The following FBN2 variants were observed in gnomAD, a reference collection of about 807,000 sequenced individuals.
FBN2 encodes the protein fibrillin 2.
In FBN2, 105 loss-of-function variants were observed where a neutral mutation model predicts 355.6. The ratio of observed to expected loss-of-function variants is 0.30; its 90% CI spans 0.25 to 0.35. FBN2 has a LOEUF of 0.35. Among genes scored for constraint, FBN2 ranks in the 10% least tolerant of loss-of-function variants. The pLI is 1.00. For missense variants in FBN2, 3,280 were observed against 3,758.7 expected, an observed-to-expected ratio of 0.87 and a Z score of 3.33; for synonymous variants, 1,350 against 1,301.2, an observed-to-expected ratio of 1.04 and a Z score of -0.81.
At chr5:128,453,127 C>T (rs938274043) in intron 6 of FBN2, among the ~76,000 whole-genome samples, 4 of 152,102 alleles carry the variant, frequency 2.6e-5, no homozygotes, top group Admixed American at 1.3e-4. Flanking sequence ...ATGTATGATA[C>T]ACAAAATTCA....
intron 5 of FBN2, among the ~76,000 whole-genome samples, chr5:128,513,602 T>C (rs1756191699): frequency 6.6e-6 from 1 of 152,246 alleles, no homozygotes; most frequent in Non-Finnish European, 1.5e-5. Flanking sequence ...TGCCAAAAGT[T>C]CAGTCTTATT....
intron 16 of FBN2, 58 bp downstream of exon 16, chr5:128,369,124 C>T (rs1286217742): frequency 7.0e-6 from 11 of 1,561,004 alleles, no homozygotes; most frequent in Non-Finnish European, 9.7e-6. Flanking sequence ...TTTGGCCAAA[C>T]ATCTAAGGTT....
At chr5:128,425,741 C>A (rs1753466256) in intron 7 of FBN2, among the ~76,000 whole-genome samples, 1 of 152,172 alleles carries the variant, frequency 6.6e-6, no homozygotes, top group Admixed American at 6.5e-5. Flanking sequence ...GCATTAGCCT[C>A]TGTGTTTTTC....
chr5:128,487,725 T>C (rs1391154400), intron 5 of FBN2, among the ~76,000 whole-genome samples: 1 of 152,130 alleles, frequency 6.6e-6, no homozygotes, highest in Non-Finnish European at 1.5e-5. Flanking sequence ...ACTTTATAAA[T>C]TTTAATACAC....
At chr5:128,278,493 C>T (rs991135641) in intron 57 of FBN2, 142 bp downstream of exon 57, 1 of 728,778 alleles carries the variant, frequency 1.4e-6, no homozygotes, top group African/African-American at 1.8e-5. Flanking sequence ...TATATGAAAA[C>T]ACACATCAAA....
intron 6 of FBN2, among the ~76,000 whole-genome samples, chr5:128,451,891 A>G (rs567912616): frequency 7.2e-5 from 11 of 152,330 alleles, no homozygotes; most frequent in African/African-American, 2.6e-4. Context: ...TAGTAGATTC[A>G]GTGATTTTTC....
In FBN2 at chr5:128,259,607, G is replaced by A. The variant is rs756115089; in HGVS notation, c.8587C>T (p.Leu2863Phe). The A allele has an allele frequency of 3.7e-6, 6 of 1,613,962 alleles. No homozygotes were observed. The highest frequency in any genetic ancestry group is 3.3e-5 in the Admixed American group (2 of 59,990). Residue 2863 changes from leucine to phenylalanine, a missense_variant, in exon 65 of 65, where the codon CTC (leucine) becomes TTC (phenylalanine). Leu to Phe is a conservative substitution (Grantham distance 22, BLOSUM62 0). Around this residue, in one of 6 missense-constraint regions of FBN2, gnomAD observed 311 missense variants for 319.1 expected, o/e 0.97. Coordinates refer to ENST00000262464, the MANE Select transcript of FBN2 (RefSeq NM_001999.4). ...TCCAGTGTGTATGTGCCGGGCATGA[G>A]CTTCTTCTTGGCCGTGTGCAAGTAG... The part of the protein sequence containing the change: ...LSYLHTAKKK[L>F]MPGTYTLEIT...
intron 8 of FBN2, among the ~76,000 whole-genome samples, chr5:128,396,661 C>A (rs1752658159): frequency 6.6e-6 from 1 of 152,210 alleles, no homozygotes; most frequent in South Asian, 2.1e-4. Context: ...GCATAAAATG[C>A]AAAGTTGCAT....
Position 128,474,788 on chromosome 5 carries a change from G to A in FBN2, c.629-9867C>T, listed in dbSNP as rs184236080. Among the ~76,000 whole-genome samples, 73 of 152,266 alleles carry A rather than the reference G, an allele frequency of 4.8e-4. No individual in the cohort carries two copies. In the Middle Eastern group the frequency reaches 0.02, roughly 43 times the overall value. On this transcript the variant is annotated intron_variant, in intron 5 of 64. Transcript: ENST00000262464. ...AACCTCTCTCTATGATTCTGTCCTG[G>A]CATGTAACTTCCAATACAACATCTA... is the stretch of plus-strand genomic sequence containing the variant.
At chr5:128,435,836 C>T (rs1208282971) in intron 7 of FBN2, among the ~76,000 whole-genome samples, 2 of 152,146 alleles carry the variant, frequency 1.3e-5, no homozygotes, top group Admixed American at 6.5e-5. Flanking sequence ...TCTTCACATG[C>T]CAAAGATTAC....
intron 7 of FBN2, among the ~76,000 whole-genome samples, chr5:128,412,125 A>T (rs1380778022): frequency 6.6e-6 from 1 of 152,192 alleles, no homozygotes; most frequent in Non-Finnish European, 1.5e-5. Context: ...ATCAGTTTGC[A>T]GCTTTGGTCT....
chr5:128,350,508 G>A (rs935456299), intron 21 of FBN2, among the ~76,000 whole-genome samples: 3 of 152,224 alleles, frequency 2.0e-5, no homozygotes, highest in East Asian at 1.9e-4. Context: ...CTGAGGTCAC[G>A]CCACTGCACT....
intron 34 of FBN2, chr5:128,328,229 A>G: frequency 7.3e-6 from 2 of 274,006 alleles, no homozygotes; most frequent in South Asian, 4.6e-5. Flanking sequence ...GCAAAAGTAC[A>G]GCCCTTGCTG....
chr5:128,467,626 C>G (rs574446790), intron 5 of FBN2, among the ~76,000 whole-genome samples: 1 of 152,232 alleles, frequency 6.6e-6, no homozygotes, highest in South Asian at 2.1e-4. Flanking sequence ...GGGAAAAATA[C>G]TGATGTATAC....
At chr5:128,429,238 A>C (rs989733698) in intron 7 of FBN2, among the ~76,000 whole-genome samples, 3 of 152,088 alleles carry the variant, frequency 2.0e-5, no homozygotes, top group African/African-American at 7.2e-5. Flanking sequence ...AATCTCCTTA[A>C]GGATTCTCTT....
intron 5 of FBN2, among the ~76,000 whole-genome samples, chr5:128,504,079 C>T (rs533423027): frequency 6.6e-6 from 1 of 152,318 alleles, no homozygotes; most frequent in Non-Finnish European, 1.5e-5. Flanking sequence ...AAGCCCTAAA[C>T]CTTGGTGGCT....
intron 22 of FBN2, 59 bp downstream of exon 22, chr5:128,349,896 G>A: frequency 7.6e-7 from 1 of 1,317,130 alleles, no homozygotes; most frequent in East Asian, 2.3e-5. Context: ...GAGAGTGAAT[G>A]TTAATTTTAC....
chr5:128,413,732 C>G lies in FBN2; in HGVS notation c.953-4933G>C, dbSNP rs150023188. Among the ~76,000 whole-genome samples, 3 of 152,160 alleles carry G rather than the reference C, an allele frequency of 2.0e-5. No individual in the cohort carries two copies. In the East Asian group the frequency reaches 5.8e-4, roughly 29 times the overall value. On this transcript the variant is annotated intron_variant, in intron 7 of 64. Coordinates refer to ENST00000262464, the MANE Select transcript of FBN2 (RefSeq NM_001999.4). ...GTACATGTCACAGAAAAAAAGCCAT[C>G]CATGTAACAATTATGTTACAGAAGC...
In FBN2 at chr5:128,332,892, A is replaced by C. The variant is rs764424112; in HGVS notation, c.4222+20T>G. ...AAAAATTTGTGCCTTAGCAAAGGAT[A>C]TTTACATTTGCAAACTCACCAATAC... On this transcript the variant is annotated intron_variant, in intron 32 of 64. Coordinates refer to ENST00000262464, the MANE Select transcript of FBN2 (RefSeq NM_001999.4). 1 of 1,613,432 alleles carries C rather than the reference A, an allele frequency of 6.2e-7. No individual in the cohort carries two copies. The highest frequency in any genetic ancestry group is 8.5e-7 in the Non-Finnish European group (1 of 1,179,386).
Sources: allele counts gnomAD v4.1 joint callset (sites outside exome capture counted in the v4.1 genomes callset), GRCh38; gene constraint gnomAD v4.1.1; regional missense constraint gnomAD v4.1.1; transcripts MANE v1.5; gene names NCBI Gene and HGNC (gene_info 2026-07-23, HGNC 2026-07-21).